Variants in NUDT3 observed in about 807,000 individuals in gnomAD.
The protein encoded by NUDT3 is nudix hydrolase 3, also known as diphosphoinositol polyphosphate phosphohydrolase 1.
A neutral mutation model predicts 23.6 loss-of-function variants in NUDT3; 9 were observed. The observed-to-expected ratio is 0.38, with a 90% CI of 0.23 to 0.66. The LOEUF (loss-of-function observed/expected upper bound fraction) is 0.66. NUDT3 is among the 30% of genes least tolerant of loss of function. The probability of loss-of-function intolerance (pLI) is 0.52; values close to 1 mark genes in which losing one functional copy is unlikely to be tolerated. For missense variants in NUDT3, 172 were observed against 218.5 expected (o/e 0.79, Z 1.34); for synonymous variants, 86 against 82.6 (o/e 1.04, Z -0.22).
intron 2 of NUDT3, among the ~76,000 whole-genome samples, chr6:34,319,439 A>G (rs967367555): frequency 6.6e-6 from 1 of 152,200 alleles, no homozygotes; most frequent in Non-Finnish European, 1.5e-5. Flanking sequence ...ATTTACCAGT[A>G]TATTACAATG....
chr6:34,335,750 GTGT>G lies in NUDT3; in HGVS notation c.210+6109_210+6111del, dbSNP rs577911438. On this transcript the variant is annotated intron_variant, in intron 2 of 4. Coordinates refer to ENST00000607016, the MANE Select transcript of NUDT3 (RefSeq NM_006703.4). Reference sequence around the variant, plus strand: ...AAGTGTTTTTTTCTTTGAAAATGCTGTGTTTTTTTTTTTTGTTTTTTAAGATGA... The same window carrying G: ...AAGTGTTTTTTTCTTTGAAAATGCTGTTTTTTTTTTTGTTTTTTAAGATGA... Among the ~76,000 whole-genome samples the G allele has an allele frequency of 8.1e-5, 12 of 147,340 alleles. 1 individual carries two copies. The South Asian group carries it at 2.6e-3, about 32-fold the overall frequency.
chr6:34,313,154 G>A (rs977934087), intron 2 of NUDT3, among the ~76,000 whole-genome samples: 1 of 152,030 alleles, frequency 6.6e-6, no homozygotes, highest in Non-Finnish European at 1.5e-5. Context: ...CGGCCTGGGT[G>A]ACAGAGCGAG....
intron 2 of NUDT3, among the ~76,000 whole-genome samples, chr6:34,330,728 G>C (rs1764114484): frequency 6.6e-6 from 1 of 152,102 alleles, no homozygotes; most frequent in Non-Finnish European, 1.5e-5. Context: ...TTGAGCCAGG[G>C]AGGTGGAGGT....
At position 34,310,436 on chromosome 6, in the gene NUDT3, G is replaced by A. The variant is rs145798096; in HGVS notation, c.211-14751C>T. Among the ~76,000 whole-genome samples, 16 of 152,076 alleles carry A rather than the reference G, an allele frequency of 1.1e-4. No homozygotes were observed. The East Asian group carries it at 1.5e-3, about 15-fold the overall frequency. ...TTCCAGTTACTCTGGAGGCTGAGGC[G>A]GGAGAATCACTTGAACTGGGAAGCG... On this transcript the variant is annotated intron_variant, in intron 2 of 4. Coordinates refer to ENST00000607016, the MANE Select transcript of NUDT3 (RefSeq NM_006703.4).
chr6:34,317,982 A>T (rs942149867), intron 2 of NUDT3, among the ~76,000 whole-genome samples: 2 of 152,168 alleles, frequency 1.3e-5, no homozygotes, highest in Admixed American at 6.6e-5. Flanking sequence ...AATTTAAATT[A>T]AAAAAATTAA....
intron 1 of NUDT3, among the ~76,000 whole-genome samples, chr6:34,361,630 T>C (rs772838767): frequency 6.6e-6 from 1 of 152,186 alleles, no homozygotes; most frequent in African/African-American, 2.4e-5. Flanking sequence ...AACCATGACG[T>C]CCTTCAGTAG....
intron 1 of NUDT3, among the ~76,000 whole-genome samples, chr6:34,367,977 C>T (rs563134457): frequency 1.6e-4 from 24 of 152,072 alleles, no homozygotes; most frequent in African/African-American, 5.3e-4. Flanking sequence ...CTGAGGCAGG[C>T]GGATCACGAG....
chr6:34,376,699 T>C (rs1372505564), intron 1 of NUDT3, among the ~76,000 whole-genome samples: 1 of 152,154 alleles, frequency 6.6e-6, no homozygotes, highest in Non-Finnish European at 1.5e-5. Context: ...AACATCATTC[T>C]CCCAATCATT....
In NUDT3 at chr6:34,288,799, G is replaced by C. The variant is rs746990094; in HGVS notation, c.473C>G (p.Thr158Ser). 1.2e-6 allele frequency: 2 copies of C among 1,614,006 alleles called. No homozygotes were observed. The highest frequency in any genetic ancestry group is 1.7e-6 in the Non-Finnish European group (2 of 1,179,966). Residue 158 changes from threonine to serine, a missense_variant, in exon 5 of 5, where the codon ACC becomes AGC. Physicochemically the swap from Thr to Ser is moderately conservative, Grantham distance 58. Around this residue, in one of 3 missense-constraint regions of NUDT3, gnomAD observed 63 missense variants for 64.9 expected, o/e 0.97. Transcript: ENST00000607016. ...GCTCTGAGCAGAAACCGAGTATGTG[G>C]TGGCCACGACTGGGGTGCCATTGTT... is the stretch of plus-strand genomic sequence containing the variant. The part of the protein sequence containing the change: ...SANNGTPVVA[T>S]TYSVSAQSSM...
In NUDT3 at chr6:34,284,565, C is replaced by CG. The variant is rs1763313047; in HGVS notation, c.*4187dup. On this transcript the variant is annotated 3_prime_UTR_variant, in exon 5 of 5. Coordinates refer to ENST00000607016, the MANE Select transcript of NUDT3 (RefSeq NM_006703.4). Reference sequence around the variant, plus strand: ...TTTTTTTTTTTTAAAGATGAGGATGCGGACTCCAACAAAGGCATTAAGAAA... The same window carrying CG: ...TTTTTTTTTTTTAAAGATGAGGATGCGGGACTCCAACAAAGGCATTAAGAAA... The CG allele has an allele frequency of 7.2e-6, 1 of 138,004 alleles. No homozygotes were observed. The highest frequency in any genetic ancestry group is 2.1e-4 in the East Asian group (1 of 4,792). The allele number at this position is 138,004 out of a possible 1,614,324, so 8.5% of individuals were successfully genotyped here. A position where few individuals can be genotyped will look rare whatever the true frequency, so the allele number is the denominator to read the frequency against.
At chr6:34,369,743 A>G (rs896702960) in intron 1 of NUDT3, among the ~76,000 whole-genome samples, 2 of 152,236 alleles carry the variant, frequency 1.3e-5, no homozygotes, top group South Asian at 2.1e-4. Flanking sequence ...ACTGAATATT[A>G]TAACTTATTA....
At chr6:34,328,849 T>C (rs1391897345) in intron 2 of NUDT3, among the ~76,000 whole-genome samples, 1 of 152,218 alleles carries the variant, frequency 6.6e-6, no homozygotes, top group East Asian at 1.9e-4. Flanking sequence ...AAATGATATA[T>C]AATTTTGTGA....
rs1313938908 is a variant in NUDT3 at position 34,286,162 on chromosome 6, ACCTCTG to A, written c.*2585_*2590del. ...AGTGGCATGATCTTGGCTTACTGCAACCTCTGCCTCCCAGGTTTAAGCAATTCTCAT... is the reference window on the plus strand; with the variant it reads ...AGTGGCATGATCTTGGCTTACTGCAACCTCCCAGGTTTAAGCAATTCTCAT... On this transcript the variant is annotated 3_prime_UTR_variant, in exon 5 of 5. Coordinates refer to ENST00000607016, the MANE Select transcript of NUDT3 (RefSeq NM_006703.4). 8 of 152,160 alleles carry A rather than the reference ACCTCTG, an allele frequency of 5.3e-5. No individual in the cohort carries two copies. The highest frequency in any genetic ancestry group is 1.9e-4 in the African/African-American group (8 of 41,404). 9.4% of individuals were successfully genotyped at this position (152,160 alleles called of 1,614,324 possible).
At chr6:34,359,033 A>G (rs552707787) in intron 1 of NUDT3, among the ~76,000 whole-genome samples, 2 of 152,340 alleles carry the variant, frequency 1.3e-5, no homozygotes, top group Non-Finnish European at 2.9e-5. Flanking sequence ...GAAGATAAGG[A>G]GTTATCACAA....
Position 34,287,853 on chromosome 6 carries a change from C to T in NUDT3, c.*900G>A, listed in dbSNP as rs1055744999. ...GATAAGTAATCCCAAGAATCCAGTT[C>T]CAACTCTACTGTCAACATGTGGGGC... On this transcript the variant is annotated 3_prime_UTR_variant, in exon 5 of 5. Coordinates refer to ENST00000607016, the MANE Select transcript of NUDT3 (RefSeq NM_006703.4). 4 of 152,148 alleles carry T rather than the reference C, an allele frequency of 2.6e-5. No individual in the cohort carries two copies. The highest frequency in any genetic ancestry group is 9.7e-5 in the African/African-American group (4 of 41,432). 9.4% of individuals were successfully genotyped at this position (152,148 alleles called of 1,614,324 possible). A position where few individuals can be genotyped will look rare whatever the true frequency, so the allele number is the denominator to read the frequency against.
chr6:34,361,231 AT>A (rs1764646442), intron 1 of NUDT3, among the ~76,000 whole-genome samples: 1 of 152,184 alleles, frequency 6.6e-6, no homozygotes, highest in Admixed American at 6.5e-5. Context: ...CTAAAAAATA[AT>A]TTTTAAAAGA....
At chr6:34,306,909 A>G (rs1390208520) in intron 2 of NUDT3, among the ~76,000 whole-genome samples, 1 of 152,226 alleles carries the variant, frequency 6.6e-6, no homozygotes, top group Admixed American at 6.5e-5. Flanking sequence ...TTAAAATATC[A>G]GTTCCTCGAC....
chr6:34,341,963 C>T lies in NUDT3; in HGVS notation c.109G>A (p.Val37Met). The T allele has an allele frequency of 6.2e-7, 1 of 1,613,078 alleles. No individual in the cohort carries two copies. The highest frequency in any genetic ancestry group is 8.5e-7 in the Non-Finnish European group (1 of 1,179,532). ...CTGTCTGGATGGCGACTACTGCTCA[C>T]GAGTAGCACCTGTTAAGTCACAAAG... The part of the protein sequence containing the change: ...RSESEEEVLL[V>M]SSSRHPDRWI... The change falls in exon 2 of 5, where the codon GTG becomes ATG. Residue 37 changes from valine (V) to methionine (M), a missense_variant. Physicochemically the swap from Val to Met is conservative, Grantham distance 21. Transcript: ENST00000607016.
At position 34,280,415 on chromosome 6, in the gene NUDT3, T is replaced by G. The variant is rs180708125; in HGVS notation, c.*8338A>C. ...GTAGCTCCTAAATCCTGGACAGCATTTGGATTGGGGGTAAGGGCAATTTTA... is the reference window on the plus strand; with the variant it reads ...GTAGCTCCTAAATCCTGGACAGCATGTGGATTGGGGGTAAGGGCAATTTTA... On this transcript the variant is annotated 3_prime_UTR_variant, in exon 5 of 5. Transcript: ENST00000607016. 7 of 152,332 alleles carry G rather than the reference T, an allele frequency of 4.6e-5. No homozygotes were observed. The highest frequency in any genetic ancestry group is 4.6e-4 in the Admixed American group (7 of 15,292). 9.4% of individuals were successfully genotyped at this position (152,332 alleles called of 1,614,324 possible).
Sources: allele counts gnomAD v4.1 joint callset (sites outside exome capture counted in the v4.1 genomes callset), GRCh38; gene constraint gnomAD v4.1.1; regional missense constraint gnomAD v4.1.1; transcripts MANE v1.5; gene names NCBI Gene and HGNC (gene_info 2026-07-23, HGNC 2026-07-21).